The following PRKCZ variants were observed in gnomAD, a reference collection of about 807,000 sequenced individuals.
The protein encoded by PRKCZ is protein kinase C zeta.
In PRKCZ, 33 loss-of-function variants were observed where a neutral mutation model predicts 79.5. The observed-to-expected ratio is 0.41, with a 90% CI of 0.31 to 0.55. The LOEUF is 0.55. Among genes scored for constraint, PRKCZ ranks in the 20% least tolerant of loss-of-function variants. The pLI is 0.19. For missense variants in PRKCZ, 578 were observed against 813.5 expected (o/e 0.71, Z 3.52); for synonymous variants, 342 against 320.9 (o/e 1.07, Z -0.70).
At position 2,172,142 on chromosome 1, in the gene PRKCZ, C is replaced by T; in HGVS notation, c.1149C>T (p.Leu383=). The part of the protein sequence containing the change: ...IYRDLKLDNV[L]LDADGHIKLT... ...GGGACCTGAAGCTGGACAACGTCCT[C>T]CTGGATGCGGACGGGCACATCAAGC... Residue 383 remains leucine (L), a synonymous_variant, in exon 12 of 18, where the codon CTC becomes CTT. Transcript: ENST00000378567. The surrounding 1 kb of genome is among the most constrained non-coding windows in gnomAD (Gnocchi z 7.8). 1.2e-6 allele frequency: 2 copies of T among 1,613,500 alleles called. No homozygotes were observed. The highest frequency in any genetic ancestry group is 1.7e-6 in the Non-Finnish European group (2 of 1,179,996).
In PRKCZ at chr1:2,053,584, G is replaced by C. The variant is rs1188733252; in HGVS notation, c.72-1857G>C. The stretch of plus-strand genomic sequence containing the variant: ...ATTCAGGATTGGGATAGGGTTGGAG[G>C]TGGTGGCCTGACACTTCCCAAGCCC... On this transcript the variant is annotated intron_variant, in intron 1 of 17. Coordinates refer to ENST00000378567, the MANE Select transcript of PRKCZ (RefSeq NM_002744.6). Among the ~76,000 whole-genome samples, 3 of 152,212 alleles carry C rather than the reference G, an allele frequency of 2.0e-5. No individual in the cohort carries two copies. The East Asian group carries it at 5.8e-4, about 29-fold the overall frequency.
Position 2,171,848 on chromosome 1 carries a change from C to A in PRKCZ, c.1062-207C>A, listed in dbSNP as rs568864228. On this transcript the variant is annotated intron_variant, in intron 11 of 17. Coordinates refer to ENST00000378567, the MANE Select transcript of PRKCZ (RefSeq NM_002744.6). ...CTCTGTGTCTTTGACAGCAGGCCATCCTAAGGCGCATGGGGTGGTGTCCTG... is the reference window on the plus strand; with the variant it reads ...CTCTGTGTCTTTGACAGCAGGCCATACTAAGGCGCATGGGGTGGTGTCCTG... 5.3e-5 allele frequency among the ~76,000 whole-genome samples: 8 copies of A among 152,328 alleles called. No individual in the cohort carries two copies. In the East Asian group the frequency reaches 1.5e-3, roughly 29 times the overall value.
At chr1:2,108,847 G>A (rs1046038983) in intron 4 of PRKCZ, among the ~76,000 whole-genome samples, 1 of 152,212 alleles carries the variant, frequency 6.6e-6, no homozygotes, top group Non-Finnish European at 1.5e-5. Flanking sequence ...GGTCTGGAGG[G>A]TGCGAGTGCA....
intron 1 of PRKCZ, chr1:2,050,983 G>A: frequency 2.9e-6 from 1 of 339,694 alleles, no homozygotes; most frequent in Non-Finnish European, 5.3e-6. Flanking sequence ...TCGCTGGAAA[G>A]TTGGGCGGGG....
chr1:2,154,307 G>A (rs371202475), intron 9 of PRKCZ, among the ~76,000 whole-genome samples: 1 of 152,174 alleles, frequency 6.6e-6, no homozygotes, highest in Admixed American at 6.5e-5. Context: ...AGCTCAGGGA[G>A]AGGCCGGGCT....
intron 10 of PRKCZ, among the ~76,000 whole-genome samples, chr1:2,159,533 T>A (rs1475368652): frequency 1.3e-5 from 2 of 152,238 alleles, no homozygotes; most frequent in East Asian, 3.8e-4. Context: ...TGCAGAGGTT[T>A]CCACACAAGT....
At chr1:2,141,836 C>A in intron 5 of PRKCZ, 1 of 233,088 alleles carries the variant, frequency 4.3e-6, no homozygotes, top group East Asian at 1.3e-4. Flanking sequence ...GCGCTGTGGA[C>A]GCGGAGGAGA....
At chr1:2,083,329 A>AC (rs111548580) in intron 4 of PRKCZ, among the ~76,000 whole-genome samples, 4,593 of 151,736 alleles carry the variant, frequency 0.03, 212 homozygotes, top group East Asian at 0.14. Context: ...TGGTCTCAGG[A>AC]CCCCCACCAC....
At chr1:2,077,954 G>C (rs948516907) in intron 4 of PRKCZ, among the ~76,000 whole-genome samples, 1 of 152,220 alleles carries the variant, frequency 6.6e-6, no homozygotes, top group South Asian at 2.1e-4. Flanking sequence ...GCATTCCCTT[G>C]TTGGCACAAC....
intron 16 of PRKCZ, chr1:2,182,611 G>C (rs973778963): frequency 1.3e-5 from 2 of 154,916 alleles, no homozygotes; most frequent in African/African-American, 4.8e-5. Context: ...GGGCTGGGGG[G>C]CTGCATTTCT....
At chr1:2,107,028 C>T (rs926608011) in intron 4 of PRKCZ, among the ~76,000 whole-genome samples, 9 of 149,424 alleles carry the variant, frequency 6.0e-5, no homozygotes, top group East Asian at 3.8e-4. Flanking sequence ...TTCTCCGGCT[C>T]GGCTGTCTCA....
At chr1:2,105,004 C>T in intron 4 of PRKCZ, 1 of 803,444 alleles carries the variant, frequency 1.2e-6, no homozygotes. Context: ...TGACCTTGAT[C>T]TGTGACAGCT....
chr1:2,143,105 T>A (rs1437293441), intron 5 of PRKCZ: 1 of 147,496 alleles, frequency 6.8e-6, no homozygotes, highest in Non-Finnish European at 1.5e-5. Context: ...CTCGGCTCAC[T>A]GCAAGCTCCG....
Position 2,178,599 on chromosome 1 carries a change from G to T in PRKCZ, c.1575+3286G>T, listed in dbSNP as rs779912919. Among the ~76,000 whole-genome samples, 7 of 152,204 alleles carry T rather than the reference G, an allele frequency of 4.6e-5. No homozygotes were observed. Among genetic ancestry groups the T allele is most frequent in the Non-Finnish European group, 8.8e-5 (6 of 68,032 alleles). On this transcript the variant is annotated intron_variant, in intron 16 of 17. Transcript: ENST00000378567. This position sits in a 1 kb window ranked among gnomAD's most constrained non-coding sequence, Gnocchi z 4.3. The stretch of plus-strand genomic sequence containing the variant: ...TTGGGCACGTGCTCAGGGCGCAGTT[G>T]CAGGTCCGGTGGTCTCAGTCTAGCC...
At chr1:2,070,433 C>T (rs1412710148) in intron 4 of PRKCZ, among the ~76,000 whole-genome samples, 1 of 152,116 alleles carries the variant, frequency 6.6e-6, no homozygotes, top group Non-Finnish European at 1.5e-5. Context: ...GGGGTTTGGC[C>T]GGGAGGACAC....
At chr1:2,115,058 GACCCCAGGCGTA>G (rs1428009793) in intron 4 of PRKCZ, among the ~76,000 whole-genome samples, 1 of 152,254 alleles carries the variant, frequency 6.6e-6, no homozygotes, top group Non-Finnish European at 1.5e-5. Context: ...ACCCCGAGGT[GACCCCAGGCGTA>G]ACCTACCCGT....
intron 4 of PRKCZ, among the ~76,000 whole-genome samples, chr1:2,132,008 T>G (rs1170225743): frequency 1.3e-5 from 2 of 152,208 alleles, no homozygotes; most frequent in African/African-American, 4.8e-5. Context: ...AGACGGGGTT[T>G]CACCGTGTTA....
At chr1:2,170,790 A>C (rs1174126236) in intron 11 of PRKCZ, among the ~76,000 whole-genome samples, 2 of 152,198 alleles carry the variant, frequency 1.3e-5, no homozygotes, top group Non-Finnish European at 2.9e-5. Context: ...TAGCGTCCTC[A>C]AGATTCATCC....
intron 4 of PRKCZ, among the ~76,000 whole-genome samples, chr1:2,091,117 C>T (rs1001560491): frequency 7.2e-5 from 11 of 152,158 alleles, no homozygotes; most frequent in East Asian, 1.9e-4. Flanking sequence ...CTGCGACCTC[C>T]GCCTCCTGGG....
Sources: allele counts gnomAD v4.1 joint callset (sites outside exome capture counted in the v4.1 genomes callset), GRCh38; gene constraint gnomAD v4.1.1; non-coding constraint Gnocchi (gnomAD v3.1); transcripts MANE v1.5; gene names NCBI Gene and HGNC (gene_info 2026-07-23, HGNC 2026-07-21).